PTPRD: variants seen among roughly 807,000 people sequenced by gnomAD.
PTPRD encodes protein tyrosine phosphatase receptor type D.
A neutral mutation model predicts 214.5 loss-of-function variants in PTPRD; 34 were observed. That is an observed-to-expected ratio of 0.16 (90% CI 0.12 to 0.21). The LOEUF (loss-of-function observed/expected upper bound fraction) is 0.21. PTPRD is among the 10% of genes least tolerant of loss of function. The pLI is 1.00. For synonymous variants in PTPRD, 1,128 were observed against 845.7 expected (o/e 1.33, Z -5.79); for missense variants, 2,545 against 2,398.7 (o/e 1.06, Z -1.27).
At chr9:8,338,866 G>GAGAGAGAGAGAGAGAGAGA in intron 43 of PTPRD, 56 bp downstream of exon 43, 4 of 712,480 alleles carry the variant, frequency 5.6e-6, no homozygotes, top group Admixed American at 6.4e-5. Context: ...AGAGAGAGAG[G>GAGAGAGAGAGAGAGAGAGA]TATCTTAGAC....
At chr9:9,267,217 G>T (rs1485261949) in intron 9 of PTPRD, among the ~76,000 whole-genome samples, 1 of 151,066 alleles carries the variant, frequency 6.6e-6, no homozygotes, top group Non-Finnish European at 1.5e-5. Context: ...AATCAGAAAT[G>T]AAAGAAGAGA....
chr9:8,809,734 T>C (rs1162821229), intron 11 of PTPRD, among the ~76,000 whole-genome samples: 1 of 152,196 alleles, frequency 6.6e-6, no homozygotes, highest in African/African-American at 2.4e-5. Context: ...GATACAACAC[T>C]GCTGTCGAGA....
chr9:8,629,001 G>T (rs573198713), intron 14 of PTPRD, among the ~76,000 whole-genome samples: 25 of 151,718 alleles, frequency 1.6e-4, no homozygotes, highest in East Asian at 1.9e-4. Flanking sequence ...GGTGGTTTGG[G>T]GCAGTGCTAT....
rs188114235 is a variant in PTPRD, at chr9:10,251,630, A to C, written c.-545+89333T>G. On this transcript the variant is annotated intron_variant, in intron 3 of 45. Coordinates refer to ENST00000381196, the MANE Select transcript of PTPRD (RefSeq NM_002839.4). ...CACAGAACATCACAGAGCACATGGCAACCACCCAATAAAAGTTAGCTAATA... is the reference window on the plus strand; with the variant it reads ...CACAGAACATCACAGAGCACATGGCCACCACCCAATAAAAGTTAGCTAATA... Among the ~76,000 whole-genome samples the C allele has an allele frequency of 2.0e-5, 3 of 152,328 alleles. No individual in the cohort carries two copies. In the East Asian group the frequency reaches 5.8e-4, roughly 29 times the overall value.
chr9:10,297,343 C>A (rs2095710251), intron 3 of PTPRD, among the ~76,000 whole-genome samples: 4 of 151,822 alleles, frequency 2.6e-5, no homozygotes, highest in African/African-American at 9.7e-5. Flanking sequence ...ACCATTTTGT[C>A]CTTCAATTTT....
intron 14 of PTPRD, among the ~76,000 whole-genome samples, chr9:8,600,390 T>C (rs911541911): frequency 6.6e-6 from 1 of 152,050 alleles, no homozygotes; most frequent in African/African-American, 2.4e-5. Context: ...TCACGGCCAG[T>C]GGACTGGAGG....
chr9:8,498,903 T>G, intron 25 of PTPRD, among the ~76,000 whole-genome samples: 1 of 152,168 alleles, frequency 6.6e-6, no homozygotes, highest in East Asian at 1.9e-4. Flanking sequence ...ATGAAAAATT[T>G]TGGAAATTTT....
chr9:9,114,679 A>G (rs1419869120), intron 10 of PTPRD, among the ~76,000 whole-genome samples: 1 of 152,114 alleles, frequency 6.6e-6, no homozygotes, highest in Non-Finnish European at 1.5e-5. Context: ...TACTCCCTGA[A>G]CAAAAATTTT....
intron 11 of PTPRD, among the ~76,000 whole-genome samples, chr9:8,897,345 G>A (rs887807992): frequency 1.3e-5 from 2 of 152,182 alleles, no homozygotes; most frequent in South Asian, 4.1e-4. Flanking sequence ...ATGGTCAGAA[G>A]GTATGGATTG....
chr9:9,732,907 G>C (rs1403990713), intron 7 of PTPRD, among the ~76,000 whole-genome samples: 4 of 94,786 alleles, frequency 4.2e-5, no homozygotes, highest in African/African-American at 3.2e-4. Flanking sequence ...GTGAAACCTT[G>C]TTTCCAAAAA....
chr9:9,958,446 G>C (rs947318412), intron 4 of PTPRD, among the ~76,000 whole-genome samples: 1 of 152,104 alleles, frequency 6.6e-6, no homozygotes, highest in Non-Finnish European at 1.5e-5. Context: ...CAGGAGAATT[G>C]CTTGAACCCA....
At chr9:9,912,575 A>G (rs896361314) in intron 5 of PTPRD, among the ~76,000 whole-genome samples, 3 of 152,304 alleles carry the variant, frequency 2.0e-5, no homozygotes, top group African/African-American at 7.2e-5. Flanking sequence ...CCTGAGAGAA[A>G]GCTGAATAAT....
At chr9:8,501,122 A>G (rs1013889381) in intron 23 of PTPRD, 63 bp from the exon 24 acceptor site, 1 of 1,310,724 alleles carries the variant, frequency 7.6e-7, no homozygotes, top group Admixed American at 2.6e-5. Context: ...TGAAAAAAAA[A>G]ATGATAAAAC....
chr9:8,339,796 G>A (rs1428192062), intron 42 of PTPRD, among the ~76,000 whole-genome samples: 2 of 149,200 alleles, frequency 1.3e-5, no homozygotes, highest in Non-Finnish European at 3.0e-5. Context: ...ATTAATAGTA[G>A]AAACCTTAAG....
At chr9:9,271,802 TTG>T (rs1943051571) in intron 9 of PTPRD, among the ~76,000 whole-genome samples, 1 of 151,420 alleles carries the variant, frequency 6.6e-6, no homozygotes, top group Admixed American at 6.6e-5. Context: ...TAGGGTTTGA[TTG>T]TGTTACTTCT....
chr9:8,933,776 G>A (rs28498364), intron 11 of PTPRD, among the ~76,000 whole-genome samples: 2 of 152,010 alleles, frequency 1.3e-5, no homozygotes, highest in Non-Finnish European at 2.9e-5. Context: ...ACAAAAACAC[G>A]TTTGGTAGCA....
intron 9 of PTPRD, among the ~76,000 whole-genome samples, chr9:9,342,249 C>T (rs965129405): frequency 2.0e-5 from 3 of 152,144 alleles, no homozygotes; most frequent in Non-Finnish European, 2.9e-5. Context: ...AGAACTCCCA[C>T]ATGTAGTTTA....
At chr9:9,860,873 G>T (rs1222029608) in intron 5 of PTPRD, among the ~76,000 whole-genome samples, 1 of 152,040 alleles carries the variant, frequency 6.6e-6, no homozygotes, top group Non-Finnish European at 1.5e-5. Flanking sequence ...TCTTTAACTA[G>T]CATCACAAAA....
intron 11 of PTPRD, among the ~76,000 whole-genome samples, chr9:8,795,016 A>T (rs1454844072): frequency 6.6e-6 from 1 of 152,084 alleles, no homozygotes; most frequent in Non-Finnish European, 1.5e-5. Context: ...ATGCACTTAC[A>T]TTTCTTGAAT....
Sources: allele counts gnomAD v4.1 joint callset (sites outside exome capture counted in the v4.1 genomes callset), GRCh38; gene constraint gnomAD v4.1.1; transcripts MANE v1.5; gene names NCBI Gene and HGNC (gene_info 2026-07-23, HGNC 2026-07-21).